The following DLGAP2 variants were observed in gnomAD, a reference collection of about 807,000 sequenced individuals.
DLGAP2 encodes the protein DLG associated protein 2, also known as disks large-associated protein 2.
In DLGAP2, 26 loss-of-function variants were observed where a neutral mutation model predicts 100.3. The ratio of observed to expected loss-of-function variants is 0.26; its 90% CI spans 0.19 to 0.36. DLGAP2 has a LOEUF of 0.36. Ranked by LOEUF, DLGAP2 falls within the 10% of genes least tolerant of loss-of-function variation. The pLI is 1.00. For synonymous variants in DLGAP2, 886 were observed against 630.1 expected (o/e 1.41, Z -6.08); for missense variants, 1,858 against 1,453.2 (o/e 1.28, Z -4.53).
In DLGAP2 at chr8:900,760, G is replaced by A. The variant is rs1027145443; in HGVS notation, c.19-7152G>A. Among the ~76,000 whole-genome samples, 6 of 152,200 alleles carry A rather than the reference G, an allele frequency of 3.9e-5. No individual in the cohort carries two copies. In the South Asian group the frequency reaches 1.2e-3, roughly 32 times the overall value. On this transcript the variant is annotated intron_variant, in intron 1 of 14. Transcript: ENST00000637795. Reference sequence around the variant, plus strand: ...GGTTAACAGCAGGATGGCAGGAGCTGAGATATTCACTGAAGGATTGGAATG... The same window carrying A: ...GGTTAACAGCAGGATGGCAGGAGCTAAGATATTCACTGAAGGATTGGAATG...
chr8:1,488,184 CCACACTGTCCTCCA>C (rs1024547111), intron 3 of DLGAP2, among the ~76,000 whole-genome samples: 1 of 152,090 alleles, frequency 6.6e-6, no homozygotes, highest in Non-Finnish European at 1.5e-5. Flanking sequence ...ACAGTCCTCC[CCACACTGTCCTCCA>C]CACAGTCCTC....
chr8:1,684,459 G>A (rs1041770008), intron 12 of DLGAP2, among the ~76,000 whole-genome samples: 1 of 151,998 alleles, frequency 6.6e-6, no homozygotes, highest in Non-Finnish European at 1.5e-5. Context: ...TTAAAATAAA[G>A]ATTAAATTAA....
intron 3 of DLGAP2, among the ~76,000 whole-genome samples, chr8:1,315,140 A>T (rs1438717127): frequency 1.3e-5 from 2 of 152,252 alleles, no homozygotes; most frequent in African/African-American, 4.8e-5. Context: ...AGAAGAGTAA[A>T]GCTTCCTGGA....
intron 2 of DLGAP2, among the ~76,000 whole-genome samples, chr8:1,219,877 T>G (rs528553482): frequency 3.3e-5 from 5 of 152,218 alleles, no homozygotes; most frequent in African/African-American, 7.2e-5. Flanking sequence ...TTTTTTTTTC[T>G]AGGTTTTTTA....
intron 3 of DLGAP2, among the ~76,000 whole-genome samples, chr8:1,345,240 G>C (rs1000112190): frequency 1.3e-5 from 2 of 151,836 alleles, no homozygotes; most frequent in Non-Finnish European, 2.9e-5. Context: ...TGCAGGCTCA[G>C]TTCCTTCAGG....
At chr8:1,086,970 C>G (rs74626432) in intron 2 of DLGAP2, among the ~76,000 whole-genome samples, 1 of 152,076 alleles carries the variant, frequency 6.6e-6, no homozygotes, top group Non-Finnish European at 1.5e-5. Flanking sequence ...CTCAAGCACA[C>G]GTGGAACATT....
At chr8:957,348 G>A (rs566358505) in intron 2 of DLGAP2, among the ~76,000 whole-genome samples, 38 of 152,318 alleles carry the variant, frequency 2.5e-4, no homozygotes, top group African/African-American at 8.7e-4. Flanking sequence ...CCCTGTGTGT[G>A]GAGTTCAGGT....
chr8:1,503,356 C>T (rs1799790811), intron 4 of DLGAP2, among the ~76,000 whole-genome samples: 1 of 151,508 alleles, frequency 6.6e-6, no homozygotes, highest in Admixed American at 6.6e-5. Context: ...CCAGGGCCCT[C>T]CTAGAAGTGG....
chr8:889,451 G>A (rs1390723736), intron 1 of DLGAP2, among the ~76,000 whole-genome samples: 1 of 152,178 alleles, frequency 6.6e-6, no homozygotes, highest in Non-Finnish European at 1.5e-5. Flanking sequence ...AGGGGCTCAG[G>A]CCTAGGGAGT....
chr8:1,018,324 A>C (rs923867541), intron 2 of DLGAP2, among the ~76,000 whole-genome samples: 3 of 152,222 alleles, frequency 2.0e-5, no homozygotes, highest in Non-Finnish European at 4.4e-5. Flanking sequence ...CTGAGCTGTG[A>C]AGAAACTCAA....
chr8:1,533,030 C>G (rs1801034276), intron 4 of DLGAP2, among the ~76,000 whole-genome samples: 2 of 150,680 alleles, frequency 1.3e-5, no homozygotes, highest in South Asian at 4.2e-4. Flanking sequence ...CCAGATGATT[C>G]TTTCAAAATC....
chr8:1,322,112 C>A (rs566843629), intron 3 of DLGAP2, among the ~76,000 whole-genome samples: 1 of 152,190 alleles, frequency 6.6e-6, no homozygotes, highest in East Asian at 1.9e-4. Context: ...AAAAAAAAGT[C>A]CCAACTTGAT....
intron 11 of DLGAP2, among the ~76,000 whole-genome samples, chr8:1,677,371 C>G (rs1302665245): frequency 1.3e-5 from 2 of 152,182 alleles, no homozygotes; most frequent in Admixed American, 6.5e-5. Flanking sequence ...CCATCCTGCT[C>G]TGTGGCTCAG....
chr8:1,369,818 G>A (rs956659883), intron 3 of DLGAP2: 8 of 152,328 alleles, frequency 5.3e-5, no homozygotes, highest in African/African-American at 1.9e-4. Flanking sequence ...GTTCTCTGAT[G>A]CTCTCACGGA....
At chr8:1,042,988 A>G (rs867227190) in intron 2 of DLGAP2, among the ~76,000 whole-genome samples, 1,309 of 9,338 alleles carry the variant, frequency 0.14, no homozygotes, top group Middle Eastern at 0.2. Context: ...GATGTGGGTG[A>G]TGGATGTGGG....
chr8:1,682,500 A>T (rs1308153139), intron 12 of DLGAP2, among the ~76,000 whole-genome samples: 1 of 149,662 alleles, frequency 6.7e-6, no homozygotes, highest in Non-Finnish European at 1.5e-5. Context: ...TTTGAGAGGG[A>T]GTCTTGCTCT....
chr8:816,482 G>A (rs1222741867), intron 1 of DLGAP2, among the ~76,000 whole-genome samples: 3 of 152,088 alleles, frequency 2.0e-5, no homozygotes, highest in African/African-American at 4.8e-5. Flanking sequence ...CATTTACGAA[G>A]CTTAGTATCA....
At position 1,343,067 on chromosome 8, in the gene DLGAP2, C is replaced by T. The variant is rs187465583; in HGVS notation, c.106+84184C>T. Reference sequence around the variant, plus strand: ...ACTTTTTGTTCATATTTTCACAAACCGGAGACACAAACACTGGCCAGTCCT... The same window carrying T: ...ACTTTTTGTTCATATTTTCACAAACTGGAGACACAAACACTGGCCAGTCCT... On this transcript the variant is annotated intron_variant, in intron 3 of 14. Transcript: ENST00000637795. 1.5e-4 allele frequency among the ~76,000 whole-genome samples: 23 copies of T among 152,226 alleles called. No individual in the cohort carries two copies. The East Asian group carries it at 3.3e-3, about 22-fold the overall frequency.
chr8:1,063,904 C>G (rs1419864747), intron 2 of DLGAP2, among the ~76,000 whole-genome samples: 6 of 152,186 alleles, frequency 3.9e-5, no homozygotes, highest in Admixed American at 3.3e-4. Flanking sequence ...GTGGGACTCT[C>G]TCCAGCTTGG....
Sources: allele counts gnomAD v4.1 joint callset (sites outside exome capture counted in the v4.1 genomes callset), GRCh38; gene constraint gnomAD v4.1.1; transcripts MANE v1.5; gene names NCBI Gene and HGNC (gene_info 2026-07-23, HGNC 2026-07-21).